C10orf90: variants seen among roughly 807,000 people sequenced by gnomAD.
C10orf90 encodes the protein chromosome 10 open reading frame 90.
A neutral mutation model predicts 62.5 loss-of-function variants in C10orf90; 56 were observed. That is an observed-to-expected ratio of 0.90 (90% CI 0.72 to 1.12). C10orf90 has a LOEUF of 1.12. Ranked by LOEUF, C10orf90 falls within the 50% of genes most tolerant of loss-of-function variation. C10orf90 has a pLI of 0.00. For missense variants in C10orf90, 970 were observed against 880.4 expected (o/e 1.10, Z -1.29); for synonymous variants, 386 against 340.4 (o/e 1.13, Z -1.47).
In C10orf90 at chr10:126,623,910, C is replaced by T. The variant is rs56147890; in HGVS notation, c.313+22655G>A. ...TTTGCTCCAGGCTACAGTCCCAGCC[C>T]TTAGAAACCCTTAGCTTCTAGAACA... is the stretch of plus-strand genomic sequence containing the variant. On this transcript the variant is annotated intron_variant, in intron 2 of 9. Transcript: ENST00000488181. Among the ~76,000 whole-genome samples the T allele has an allele frequency of 3.3e-3, 499 of 151,816 alleles. 3 individuals carry two copies. The highest frequency in any genetic ancestry group is 0.012 in the African/African-American group (487 of 41,386).
chr10:126,669,741 A>G (rs923632892), intron 1 of C10orf90, among the ~76,000 whole-genome samples: 3 of 150,200 alleles, frequency 2.0e-5, no homozygotes, highest in Non-Finnish European at 4.4e-5. Flanking sequence ...CTGCTTGAAA[A>G]TTAGAGCTTG....
chr10:126,649,292 T>C (rs1183958398), intron 1 of C10orf90, among the ~76,000 whole-genome samples: 1 of 152,090 alleles, frequency 6.6e-6, no homozygotes, highest in Non-Finnish European at 1.5e-5. Context: ...GCGTGGACTC[T>C]ACTTTCTGCT....
intron 4 of C10orf90, among the ~76,000 whole-genome samples, chr10:126,472,577 G>A (rs1460068994): frequency 4.6e-5 from 7 of 152,064 alleles, no homozygotes; most frequent in Non-Finnish European, 7.3e-5. Context: ...CTTTCCTGGC[G>A]CCTAGCAGTT....
intron 2 of C10orf90, among the ~76,000 whole-genome samples, chr10:126,577,655 C>T (rs1472532859): frequency 6.6e-6 from 1 of 151,980 alleles, no homozygotes; most frequent in Non-Finnish European, 1.5e-5. Flanking sequence ...GATTTTTTGT[C>T]AAAATTGACA....
At chr10:126,660,235 A>T (rs1481662473) in intron 1 of C10orf90, among the ~76,000 whole-genome samples, 1 of 152,228 alleles carries the variant, frequency 6.6e-6, no homozygotes, top group Non-Finnish European at 1.5e-5. Context: ...AAGTTACATT[A>T]TATGGCAAAA....
At chr10:126,535,166 T>G (rs1291402413) in intron 2 of C10orf90, among the ~76,000 whole-genome samples, 1 of 151,802 alleles carries the variant, frequency 6.6e-6, no homozygotes, top group Non-Finnish European at 1.5e-5. Flanking sequence ...CATATATGTG[T>G]GTGTATGTTT....
chr10:126,594,219 GT>G (rs2134031936), intron 2 of C10orf90, among the ~76,000 whole-genome samples: 1 of 151,808 alleles, frequency 6.6e-6, no homozygotes, highest in South Asian at 2.1e-4. Flanking sequence ...CTGCAGGACG[GT>G]ATGGCTAGAA....
At position 126,425,614 on chromosome 10, in the gene C10orf90, G is replaced by A. The variant is rs1192437337; in HGVS notation, c.*250C>T. The A allele has an allele frequency of 7.6e-6, 4 of 528,154 alleles. No homozygotes were observed. In the African/African-American group the frequency reaches 7.7e-5, roughly 10 times the overall value. 32.7% of individuals were successfully genotyped at this position (528,154 alleles called of 1,614,324 possible). ...CAATTTAGAAGCAAAAACATTAAGGGGACTGTATCCAGTGGGTTACATGGA... is the reference window on the plus strand; with the variant it reads ...CAATTTAGAAGCAAAAACATTAAGGAGACTGTATCCAGTGGGTTACATGGA... On this transcript the variant is annotated 3_prime_UTR_variant, in exon 10 of 10. Coordinates refer to ENST00000488181, the MANE Select transcript of C10orf90 (RefSeq NM_001350921.2).
chr10:126,511,243 T>C (rs1004261200), intron 3 of C10orf90, among the ~76,000 whole-genome samples: 7 of 152,248 alleles, frequency 4.6e-5, no homozygotes, highest in Admixed American at 6.5e-5. Flanking sequence ...TGAGCTTTTC[T>C]CACTCTCCAT....
intron 2 of C10orf90, among the ~76,000 whole-genome samples, chr10:126,619,639 T>G (rs907060125): frequency 6.6e-6 from 1 of 152,208 alleles, no homozygotes; most frequent in Non-Finnish European, 1.5e-5. Context: ...TTTTTCTTTT[T>G]CATTTTTATG....
rs537870428 is a variant in C10orf90, at chr10:126,639,242, C to A, written c.313+7323G>T. On this transcript the variant is annotated intron_variant, in intron 2 of 9. Coordinates refer to ENST00000488181, the MANE Select transcript of C10orf90 (RefSeq NM_001350921.2). ...GATGCACCCCTCCAGTTGACAACTG[C>A]TGCCAACTCAAAGCTATTTATCTTG... Among the ~76,000 whole-genome samples, 4 of 152,302 alleles carry A rather than the reference C, an allele frequency of 2.6e-5. No homozygotes were observed. In the South Asian group the frequency reaches 8.3e-4, roughly 32 times the overall value.
At chr10:126,567,881 T>C (rs1362453296) in intron 2 of C10orf90, among the ~76,000 whole-genome samples, 2 of 151,998 alleles carry the variant, frequency 1.3e-5, no homozygotes. Flanking sequence ...TAGGGAAAGA[T>C]ATTTGTAAGA....
At chr10:126,550,748 G>C (rs1864613321) in intron 2 of C10orf90, among the ~76,000 whole-genome samples, 1 of 152,152 alleles carries the variant, frequency 6.6e-6, no homozygotes, top group African/African-American at 2.4e-5. Context: ...GACCCCGGGT[G>C]ATTCACCTGT....
chr10:126,472,017 G>GTTTCAA (rs1213769040), intron 4 of C10orf90, among the ~76,000 whole-genome samples: 31 of 152,134 alleles, frequency 2.0e-4, no homozygotes, highest in Admixed American at 2.0e-3. Context: ...ACAGAAACAA[G>GTTTCAA]TTTCAATTAA....
At chr10:126,523,872 G>A (rs1174837200) in intron 2 of C10orf90, among the ~76,000 whole-genome samples, 4 of 152,022 alleles carry the variant, frequency 2.6e-5, no homozygotes, top group Non-Finnish European at 5.9e-5. Flanking sequence ...TGTCTTCAGG[G>A]TTCATCCGTG....
chr10:126,655,894 T>G (rs752338556), intron 1 of C10orf90, among the ~76,000 whole-genome samples: 2 of 151,840 alleles, frequency 1.3e-5, no homozygotes, highest in Non-Finnish European at 2.9e-5. Flanking sequence ...CTCACCTGTT[T>G]CCATGACATG....
intron 2 of C10orf90, among the ~76,000 whole-genome samples, chr10:126,575,007 C>A (rs1844581269): frequency 6.6e-6 from 1 of 151,626 alleles, no homozygotes; most frequent in Non-Finnish European, 1.5e-5. Context: ...AAGGCCTGGC[C>A]TAGTAAGACA....
intron 1 of C10orf90, among the ~76,000 whole-genome samples, chr10:126,647,563 T>C (rs894694780): frequency 3.3e-5 from 5 of 152,188 alleles, no homozygotes; most frequent in African/African-American, 9.6e-5. Flanking sequence ...TTCCCCCCGA[T>C]CCCATAGTGG....
At chr10:126,594,451 C>T (rs1295723451) in intron 2 of C10orf90, among the ~76,000 whole-genome samples, 1 of 152,158 alleles carries the variant, frequency 6.6e-6, no homozygotes, top group Non-Finnish European at 1.5e-5. Context: ...ATGTGACTCA[C>T]TTGCAGCAGT....
Sources: gnomAD v4.1 joint callset for allele counts (sites outside exome capture counted in the v4.1 genomes callset) on GRCh38, gnomAD v4.1.1 for gene constraint, MANE v1.5 for transcripts, NCBI Gene and HGNC (gene_info 2026-07-23, HGNC 2026-07-21) for gene names.